Variants in GALNT14 observed in about 807,000 individuals in gnomAD.
GALNT14 encodes the protein polypeptide N-acetylgalactosaminyltransferase 14.
Under a neutral mutation model 77.5 loss-of-function variants are expected in GALNT14, and 60 were observed. That is an observed-to-expected ratio of 0.77 (90% CI 0.63 to 0.96). GALNT14 has a LOEUF of 0.96. Ranked by LOEUF, GALNT14 falls within the 40% of genes least tolerant of loss-of-function variation. GALNT14 has a pLI of 0.00. For synonymous variants in GALNT14, 280 were observed against 281.7 expected, an observed-to-expected ratio of 0.99 and a Z score of 0.06; for missense variants, 710 against 731.0, an observed-to-expected ratio of 0.97 and a Z score of 0.33.
At chr2:31,022,379 G>A (rs773673689) in intron 1 of GALNT14, among the ~76,000 whole-genome samples, 8 of 152,186 alleles carry the variant, frequency 5.3e-5, no homozygotes, top group Non-Finnish European at 1.0e-4. Context: ...GTGGCTTGGG[G>A]GTCAGCCTTC....
chr2:30,964,131 G>A (rs1308955085), intron 3 of GALNT14, among the ~76,000 whole-genome samples: 1 of 152,194 alleles, frequency 6.6e-6, no homozygotes, highest in Non-Finnish European at 1.5e-5. Flanking sequence ...TTGCAGGATG[G>A]GCAGGGAGAG....
chr2:30,912,462 A>G (rs1664427034), intron 13 of GALNT14, 120 bp from the exon 14 acceptor site: 5 of 1,123,496 alleles, frequency 4.5e-6, no homozygotes, highest in Admixed American at 2.3e-5. Flanking sequence ...GGGTCCCAGT[A>G]GGCAATGATC....
At chr2:30,951,756 C>T (rs1018862740) in intron 6 of GALNT14, among the ~76,000 whole-genome samples, 1 of 152,190 alleles carries the variant, frequency 6.6e-6, no homozygotes, top group Admixed American at 6.5e-5. Flanking sequence ...ACGGCTGCAC[C>T]CATAGAGGCC....
chr2:30,905,843 T>G (rs1396350009), downstream of GALNT14, among the ~76,000 whole-genome samples: 1 of 151,614 alleles, frequency 6.6e-6, no homozygotes, highest in African/African-American at 2.4e-5. Flanking sequence ...GGGAAGCCCA[T>G]CAGACTAACA....
intron 1 of GALNT14, among the ~76,000 whole-genome samples, chr2:31,050,525 C>T (rs1673785634): frequency 6.6e-6 from 1 of 152,078 alleles, no homozygotes; most frequent in South Asian, 2.1e-4. Flanking sequence ...GCACTAAATG[C>T]AACGTGGGGG....
the GALNT14 span, among the ~76,000 whole-genome samples, chr2:30,899,208 T>C: frequency 6.6e-6 from 1 of 152,220 alleles, no homozygotes; most frequent in Non-Finnish European, 1.5e-5. Context: ...CCATTTTCCT[T>C]CCTTCATCCC....
intron 1 of GALNT14, among the ~76,000 whole-genome samples, chr2:31,128,493 C>T (rs1159247421): frequency 6.6e-6 from 1 of 152,208 alleles, no homozygotes; most frequent in African/African-American, 2.4e-5. Flanking sequence ...AAGGAAATTG[C>T]TTCCTATAGT....
chr2:30,937,094 T>C (rs746752061), intron 9 of GALNT14, among the ~76,000 whole-genome samples: 1 of 152,220 alleles, frequency 6.6e-6, no homozygotes, highest in Non-Finnish European at 1.5e-5. Flanking sequence ...CACACTTGTA[T>C]GCTCTTCTCA....
intron 13 of GALNT14, among the ~76,000 whole-genome samples, chr2:30,918,932 A>T (rs1482675549): frequency 6.6e-6 from 1 of 152,104 alleles, no homozygotes; most frequent in East Asian, 1.9e-4. Flanking sequence ...TCCCACCGGC[A>T]GACTCAGGCT....
chr2:31,088,363 G>A (rs932378990), intron 1 of GALNT14, among the ~76,000 whole-genome samples: 1 of 152,184 alleles, frequency 6.6e-6, no homozygotes, highest in South Asian at 2.1e-4. Flanking sequence ...AGGAGTGTAT[G>A]TCCCATCTCA....
chr2:31,046,522 G>A (rs180760385), intron 1 of GALNT14, among the ~76,000 whole-genome samples: 75 of 152,212 alleles, frequency 4.9e-4, no homozygotes, highest in Non-Finnish European at 9.9e-4. Context: ...GCCACCGCGC[G>A]TGGCCTGGAA....
intron 2 of GALNT14, among the ~76,000 whole-genome samples, chr2:30,975,302 A>G (rs1426386516): frequency 6.6e-6 from 1 of 152,248 alleles, no homozygotes; most frequent in Non-Finnish European, 1.5e-5. Flanking sequence ...CAAGAGGGGA[A>G]AGACTGAAGC....
At chr2:31,023,646 C>A (rs1671867834) in intron 1 of GALNT14, among the ~76,000 whole-genome samples, 1 of 152,128 alleles carries the variant, frequency 6.6e-6, no homozygotes, top group Admixed American at 6.5e-5. Context: ...ATGACTTGCA[C>A]ATGGTTAAAT....
downstream of GALNT14, among the ~76,000 whole-genome samples, chr2:30,906,570 T>A (rs1424697466): frequency 1.0e-4 from 15 of 149,434 alleles, no homozygotes; most frequent in Non-Finnish European, 1.8e-4. Flanking sequence ...AAGTCCTGAG[T>A]GACCTACAAA....
chr2:31,129,381 C>T (rs1472595664), intron 1 of GALNT14: 4 of 985,336 alleles, frequency 4.1e-6, no homozygotes, highest in African/African-American at 1.7e-5. Context: ...TACCTCTTAT[C>T]TTCTTTTCCT....
At chr2:31,111,021 T>C (rs1677805770) in intron 1 of GALNT14, among the ~76,000 whole-genome samples, 1 of 152,164 alleles carries the variant, frequency 6.6e-6, no homozygotes, top group East Asian at 1.9e-4. Flanking sequence ...AGACACACTG[T>C]CTCCTACCCC....
chr2:31,138,289 C>T lies in GALNT14; in HGVS notation c.-203G>A. On this transcript the variant is annotated 5_prime_UTR_variant, in exon 1 of 15. Coordinates refer to ENST00000349752, the MANE Select transcript of GALNT14 (RefSeq NM_024572.4). The stretch of plus-strand genomic sequence containing the variant: ...AGCCTGGGTGGGGGGTGCAGGGCGA[C>T]CCGAAACGTGGCAGGGAAGGACCGA... 1 of 596,878 alleles carries T rather than the reference C, an allele frequency of 1.7e-6. No homozygotes were observed. Among genetic ancestry groups the T allele is most frequent in the Non-Finnish European group, 2.9e-6 (1 of 349,718 alleles). The allele number at this position is 596,878 out of a possible 1,614,324, so 37.0% of individuals were successfully genotyped here.
At chr2:31,118,899 G>T (rs1367369297) in intron 1 of GALNT14, among the ~76,000 whole-genome samples, 1 of 152,144 alleles carries the variant, frequency 6.6e-6, no homozygotes, top group Non-Finnish European at 1.5e-5. Flanking sequence ...ATGGAAAATG[G>T]AGTTCCCAGA....
chr2:31,059,692 A>T (rs1484541973), intron 1 of GALNT14, among the ~76,000 whole-genome samples: 2 of 152,176 alleles, frequency 1.3e-5, no homozygotes, highest in African/African-American at 4.8e-5. Context: ...GCAACAGAGC[A>T]AGACACTGTA....
Sources: gnomAD v4.1 joint callset for allele counts (sites outside exome capture counted in the v4.1 genomes callset) on GRCh38, gnomAD v4.1.1 for gene constraint, MANE v1.5 for transcripts, NCBI Gene and HGNC (gene_info 2026-07-23, HGNC 2026-07-21) for gene names.